The following LRRC4C variants were observed in gnomAD, a reference collection of about 807,000 sequenced individuals.
The protein encoded by LRRC4C is leucine rich repeat containing 4C, also known as leucine-rich repeat-containing protein 4C.
Under a neutral mutation model 33.6 loss-of-function variants are expected in LRRC4C, and 5 were observed. The observed-to-expected ratio is 0.15, with a 90% confidence interval of 0.08 to 0.31. LRRC4C has a LOEUF of 0.31. Among genes scored for constraint, LRRC4C ranks in the 10% least tolerant of loss-of-function variants. The probability of loss-of-function intolerance (pLI) is 1.00; values close to 1 mark genes in which losing one functional copy is unlikely to be tolerated. For synonymous variants in LRRC4C, 329 were observed against 302.0 expected (o/e 1.09, Z -0.93); for missense variants, 560 against 796.7 (o/e 0.70, Z 3.58).
intron 3 of LRRC4C, among the ~76,000 whole-genome samples, chr11:40,325,791 A>G (rs1946070504): frequency 6.6e-6 from 1 of 152,180 alleles, no homozygotes; most frequent in Admixed American, 6.5e-5. Flanking sequence ...TAAATGTGTC[A>G]ATGATTGGGG....
intron 1 of LRRC4C, among the ~76,000 whole-genome samples, chr11:41,391,441 T>C (rs1433393038): frequency 6.6e-6 from 1 of 151,860 alleles, no homozygotes; most frequent in Admixed American, 6.6e-5. Flanking sequence ...GTTAATAAAA[T>C]TGTATTTGGG....
At chr11:40,625,071 T>A (rs1476072703) in intron 3 of LRRC4C, among the ~76,000 whole-genome samples, 3 of 152,168 alleles carry the variant, frequency 2.0e-5, no homozygotes, top group Admixed American at 2.0e-4. Context: ...AGTATTAATA[T>A]TATTGCCTTC....
chr11:40,453,087 C>T (rs928390408), intron 3 of LRRC4C, among the ~76,000 whole-genome samples: 6 of 151,996 alleles, frequency 3.9e-5, no homozygotes, highest in Admixed American at 2.0e-4. Context: ...TGTTAAATGA[C>T]GAGTTAATGG....
intron 2 of LRRC4C, among the ~76,000 whole-genome samples, chr11:40,771,123 G>A (rs1949738655): frequency 6.6e-6 from 1 of 152,196 alleles, no homozygotes; most frequent in South Asian, 2.1e-4. Context: ...TGAAGGCCTT[G>A]CTCCTGCAGC....
chr11:40,762,153 TC>T (rs1414440604), intron 2 of LRRC4C, among the ~76,000 whole-genome samples: 1 of 152,144 alleles, frequency 6.6e-6, no homozygotes, highest in Non-Finnish European at 1.5e-5. Flanking sequence ...GGAAAGCTAC[TC>T]CTCTTAGAAA....
chr11:40,909,087 AT>A (rs1301655206), intron 2 of LRRC4C, among the ~76,000 whole-genome samples: 1 of 152,112 alleles, frequency 6.6e-6, no homozygotes, highest in Non-Finnish European at 1.5e-5. Flanking sequence ...TATAACAGAC[AT>A]TTAACATGGA....
intron 1 of LRRC4C, among the ~76,000 whole-genome samples, chr11:40,969,655 A>G (rs1236082432): frequency 1.3e-5 from 2 of 152,148 alleles, no homozygotes; most frequent in Non-Finnish European, 2.9e-5. Flanking sequence ...GACTCAGATG[A>G]TTATTAGCAC....
intron 2 of LRRC4C, among the ~76,000 whole-genome samples, chr11:40,869,951 G>A (rs1954553775): frequency 6.6e-6 from 1 of 152,060 alleles, no homozygotes; most frequent in Non-Finnish European, 1.5e-5. Context: ...TTTCTTCTGA[G>A]AAGGCAAGAA....
chr11:40,178,476 T>C (rs922194418), intron 5 of LRRC4C, among the ~76,000 whole-genome samples: 42 of 152,178 alleles, frequency 2.8e-4, no homozygotes, highest in Non-Finnish European at 1.0e-4. Context: ...CTGCTTAAGC[T>C]TAGGGTAAGC....
chr11:41,109,280 G>A (rs575246040), intron 1 of LRRC4C, among the ~76,000 whole-genome samples: 109 of 152,016 alleles, frequency 7.2e-4, no homozygotes, highest in African/African-American at 2.5e-3. Context: ...AATTACTGAC[G>A]GATTTCAATT....
At chr11:40,599,845 A>G (rs1233203657) in intron 3 of LRRC4C, among the ~76,000 whole-genome samples, 1 of 152,196 alleles carries the variant, frequency 6.6e-6, no homozygotes, top group African/African-American at 2.4e-5. Flanking sequence ...TAGGGCAGAA[A>G]TAAGAATAAG....
intron 1 of LRRC4C, among the ~76,000 whole-genome samples, chr11:41,349,575 C>T (rs1951908720): frequency 6.6e-6 from 1 of 152,206 alleles, no homozygotes; most frequent in Non-Finnish European, 1.5e-5. Flanking sequence ...TCCCTGAAAT[C>T]ATCCAGAAAT....
intron 3 of LRRC4C, among the ~76,000 whole-genome samples, chr11:40,598,046 G>A (rs1199460247): frequency 2.0e-5 from 3 of 152,074 alleles, no homozygotes; most frequent in African/African-American, 7.2e-5. Context: ...GTCACTCATA[G>A]GTGCTTTTTC....
intron 3 of LRRC4C, among the ~76,000 whole-genome samples, chr11:40,617,452 T>C (rs1961975938): frequency 6.6e-6 from 1 of 151,696 alleles, no homozygotes; most frequent in East Asian, 1.9e-4. Flanking sequence ...GTAGTGTAAA[T>C]TATTGCCTAG....
chr11:40,142,229 A>C (rs919466541), intron 5 of LRRC4C, among the ~76,000 whole-genome samples: 1 of 135,450 alleles, frequency 7.4e-6, no homozygotes, highest in Non-Finnish European at 1.5e-5. Context: ...CAGTGAGCCA[A>C]GATCATGCCA....
chr11:40,977,248 A>C (rs889381016), intron 1 of LRRC4C, among the ~76,000 whole-genome samples: 7 of 151,964 alleles, frequency 4.6e-5, no homozygotes, highest in African/African-American at 7.3e-5. Context: ...ATCTCCTCCT[A>C]TGCGGCCTGG....
chr11:40,295,617 T>C (rs552078504), intron 4 of LRRC4C, among the ~76,000 whole-genome samples: 4 of 152,326 alleles, frequency 2.6e-5, no homozygotes, highest in African/African-American at 9.6e-5. Flanking sequence ...AAAAATTTCA[T>C]CTGTAATGTT....
intron 3 of LRRC4C, among the ~76,000 whole-genome samples, chr11:40,591,053 A>T (rs1361068247): frequency 6.6e-6 from 1 of 152,104 alleles, no homozygotes; most frequent in Non-Finnish European, 1.5e-5. Flanking sequence ...ACGCCTGGGC[A>T]ATGGTGGGCG....
At chr11:41,352,012 A>C (rs1255470913) in intron 1 of LRRC4C, among the ~76,000 whole-genome samples, 1 of 152,192 alleles carries the variant, frequency 6.6e-6, no homozygotes, top group African/African-American at 2.4e-5. Context: ...GATGTGATAA[A>C]ATCCTCAGAT....
Sources: gnomAD v4.1 joint callset for allele counts (sites outside exome capture counted in the v4.1 genomes callset) on GRCh38, gnomAD v4.1.1 for gene constraint, MANE v1.5 for transcripts, NCBI Gene and HGNC (gene_info 2026-07-23, HGNC 2026-07-21) for gene names.